Variants in MTMR10 observed in about 807,000 individuals in gnomAD.
MTMR10 encodes myotubularin related protein 10.
MTMR10 carries 56 observed loss-of-function variants against 88.1 expected under a neutral mutation model. The observed-to-expected ratio is 0.64, with a 90% confidence interval of 0.51 to 0.79. The LOEUF (loss-of-function observed/expected upper bound fraction) is 0.79, where lower values mean the gene tolerates loss of function less well. Among genes scored for constraint, MTMR10 ranks in the 30% least tolerant of loss-of-function variants. The probability of loss-of-function intolerance (pLI) is 0.00; values close to 1 mark genes in which losing one functional copy is unlikely to be tolerated. For missense variants in MTMR10, 883 were observed against 924.7 expected (o/e 0.95, Z 0.58); for synonymous variants, 380 against 340.9 (o/e 1.11, Z -1.26).
In MTMR10 at chr15:30,953,698, G is replaced by A. The variant is rs1478484663; in HGVS notation, c.1067-67C>T. On this transcript the variant is annotated intron_variant, in intron 10 of 15. Transcript: ENST00000435680. ...TATACGATCCCTATCAGAGTAAAGA[G>A]ATACATCAGTTTCTAATATTTAAAA... 3.9e-6 allele frequency: 4 copies of A among 1,016,908 alleles called. No individual in the cohort carries two copies. The African/African-American group carries it at 4.9e-5, about 12-fold the overall frequency. 63.0% of individuals were successfully genotyped at this position (1,016,908 alleles called of 1,614,324 possible).
chr15:30,924,292 A>C, the MTMR10 span, among the ~76,000 whole-genome samples: 3 of 152,156 alleles, frequency 2.0e-5, no homozygotes, highest in Non-Finnish European at 4.4e-5. Context: ...GCCATTTTGA[A>C]GAATGCTGCA....
the MTMR10 span, among the ~76,000 whole-genome samples, chr15:30,921,319 C>T: frequency 1.3e-5 from 2 of 152,214 alleles, no homozygotes; most frequent in South Asian, 4.2e-4. Context: ...TTGGCAGGTC[C>T]CCAGAAATCT....
At chr15:30,950,049 T>C (rs1462393439) in intron 12 of MTMR10, 2 of 61,010 alleles carry the variant, frequency 3.3e-5, no homozygotes, top group Non-Finnish European at 7.3e-5. Flanking sequence ...TTCCATAGTA[T>C]GTAAATTTTT....
At chr15:30,976,210 G>A (rs746371526) in intron 3 of MTMR10, among the ~76,000 whole-genome samples, 2 of 151,434 alleles carry the variant, frequency 1.3e-5, no homozygotes, top group Non-Finnish European at 2.9e-5. Flanking sequence ...AGACCAATCC[G>A]GGCATCATAA....
chr15:30,942,910 T>C lies in MTMR10; in HGVS notation c.1711A>G (p.Lys571Glu). The C allele has an allele frequency of 6.4e-7, 1 of 1,567,120 alleles. No homozygotes were observed. The highest frequency in any genetic ancestry group is 1.3e-5 in the African/African-American group (1 of 74,252). ...STPCIQNGSVKSFKRTKKSYS... is the reference protein window; with the variant it reads ...STPCIQNGSVESFKRTKKSYS... ...TTTACCTTTGTCCGTTTAAAAGACTTCACGGAGCCATTCTGTATACAAGGT... is the reference window on the plus strand; with the variant it reads ...TTTACCTTTGTCCGTTTAAAAGACTCCACGGAGCCATTCTGTATACAAGGT... The change falls in exon 15 of 16, where the codon AAG (lysine) becomes GAG (glutamate). Residue 571 changes from lysine to glutamate, a missense_variant. Around this residue, in one of 3 missense-constraint regions of MTMR10, gnomAD observed 343 missense variants for 323.2 expected, o/e 1.06. Transcript: ENST00000435680.
At chr15:30,952,292 T>G (rs7176569) in intron 11 of MTMR10, among the ~76,000 whole-genome samples, 40,389 of 152,230 alleles carry the variant, frequency 0.27, 5,915 homozygotes, top group Non-Finnish European at 0.33. Context: ...TTCTACTGAA[T>G]GCACATAGCT....
At chr15:30,938,865 A>G (rs2062944130), downstream of MTMR10, 6 of 954,252 alleles carry the variant, frequency 6.3e-6, no homozygotes, top group Non-Finnish European at 7.5e-6. Context: ...ACACAGAAGT[A>G]TGGGTAGGAG....
the MTMR10 span, chr15:30,920,746 T>G: frequency 1.4e-5 from 10 of 736,138 alleles, no homozygotes; most frequent in Admixed American, 1.5e-4. Flanking sequence ...ATTTCCTGCT[T>G]ATTTGGTTAG....
At chr15:30,926,815 C>T in the MTMR10 span, 8,212 of 985,338 alleles carry the variant, frequency 8.3e-3, 522 homozygotes, top group African/African-American at 0.13. Flanking sequence ...GAAAAACACA[C>T]GATTCCTTTC....
chr15:30,964,583 A>C lies in MTMR10; in HGVS notation c.565+3337T>G, dbSNP rs2063450428. Reference sequence around the variant, plus strand: ...ATTACAGAATGTGTAATGTATACTCAATCTGGTTTTATAGTCCAGAAATTT... The same window carrying C: ...ATTACAGAATGTGTAATGTATACTCCATCTGGTTTTATAGTCCAGAAATTT... On this transcript the variant is annotated intron_variant, in intron 6 of 15. Transcript: ENST00000435680. Among the ~76,000 whole-genome samples, 3 of 152,228 alleles carry C rather than the reference A, an allele frequency of 2.0e-5. No individual in the cohort carries two copies. The South Asian group carries it at 6.2e-4, about 32-fold the overall frequency.
At chr15:30,974,674 C>T (rs1413259945) in intron 4 of MTMR10, among the ~76,000 whole-genome samples, 1 of 151,946 alleles carries the variant, frequency 6.6e-6, no homozygotes, top group African/African-American at 2.4e-5. Context: ...AAACCACCAT[C>T]TAGACACATT....
At chr15:30,967,882 G>A (rs1396043893) in intron 6 of MTMR10, 38 bp downstream of exon 6, 2 of 1,474,640 alleles carry the variant, frequency 1.4e-6, no homozygotes, top group Non-Finnish European at 1.8e-6. Context: ...ATTTACACAT[G>A]TAAAATTAGT....
chr15:30,923,608 G>A, the MTMR10 span, among the ~76,000 whole-genome samples: 1 of 152,146 alleles, frequency 6.6e-6, no homozygotes, highest in African/African-American at 2.4e-5. Context: ...AAAGTGCTCT[G>A]CAGCCAGCCC....
At chr15:30,968,578 A>ACACACACACACACACACAC (rs1555410069) in intron 5 of MTMR10, among the ~76,000 whole-genome samples, 1 of 91,656 alleles carries the variant, frequency 1.1e-5, no homozygotes, top group African/African-American at 4.8e-5. Context: ...CACACACACA[A>ACACACACACACACACACAC]ACTGTGTTTA....
In MTMR10 at chr15:30,947,292, T is replaced by C; in HGVS notation, c.1386A>G (p.Leu462=). The change falls in exon 14 of 16, where the codon TTA becomes TTG. Residue 462 remains leucine, a synonymous_variant. Coordinates refer to ENST00000435680, the MANE Select transcript of MTMR10 (RefSeq NM_017762.3). ...AGGTGGCATCCAAGAATAGCAAAAATAAAGGAGACTGGCAAATACAAAGAG... is the reference window on the plus strand; with the variant it reads ...AGGTGGCATCCAAGAATAGCAAAAACAAAGGAGACTGGCAAATACAAAGAG... ...HLKRSEKESP[L]FLLFLDATWQ... The C allele has an allele frequency of 2.5e-6, 4 of 1,612,892 alleles. No individual in the cohort carries two copies. Among genetic ancestry groups the C allele is most frequent in the Non-Finnish European group, 3.4e-6 (4 of 1,179,592 alleles).
Position 30,974,387 on chromosome 15 carries a change from A to C in MTMR10, c.401T>G (p.Leu134Ter). The part of the protein sequence containing the change: ...NQKLKFNPTE[L>*]IIYCKDFRIV... ...TCTGAAATCTTTACAATAAATAATT[A>C]ACTCTGTTGGATTAAATTTCAGTTT... Residue 134 changes from leucine (L) to a stop codon, truncating the protein, a stop_gained, in exon 5 of 16, where the codon TTA (leucine) becomes TGA (stop). Coordinates refer to ENST00000435680, the MANE Select transcript of MTMR10 (RefSeq NM_017762.3). LOFTEE classifies it high-confidence loss of function. The C allele has an allele frequency of 6.2e-7, 1 of 1,608,954 alleles. No homozygotes were observed. Among genetic ancestry groups the C allele is most frequent in the Non-Finnish European group, 8.5e-7 (1 of 1,176,770 alleles).
At position 30,940,545 on chromosome 15, in the gene MTMR10, G is replaced by A; in HGVS notation, c.*925C>T. The A allele has an allele frequency of 2.0e-6, 2 of 985,496 alleles. No individual in the cohort carries two copies. Among genetic ancestry groups the A allele is most frequent in the Non-Finnish European group, 2.4e-6 (2 of 830,042 alleles). The allele number at this position is 985,496 out of a possible 1,614,324, so 61.0% of individuals were successfully genotyped here. ...AGTTTACCACACTGGAAATACTGATGGCCAAGCCCAGCACGCCTCCCAGCA... is the reference window on the plus strand; with the variant it reads ...AGTTTACCACACTGGAAATACTGATAGCCAAGCCCAGCACGCCTCCCAGCA... On this transcript the variant is annotated 3_prime_UTR_variant, in exon 16 of 16. Transcript: ENST00000435680.
rs555577937 is a variant in MTMR10, at chr15:30,980,621, T to C, written c.122-3666A>G. ...CCAGCTCTTGCTTTTAAAATACCATTTTCCAATAAAAAGAACTAGGGCTCT... is the reference window on the plus strand; with the variant it reads ...CCAGCTCTTGCTTTTAAAATACCATCTTCCAATAAAAAGAACTAGGGCTCT... On this transcript the variant is annotated intron_variant, in intron 2 of 15. Transcript: ENST00000435680. Among the ~76,000 whole-genome samples the C allele has an allele frequency of 1.8e-3, 272 of 152,262 alleles. 2 individuals are homozygous for C. The highest frequency in any genetic ancestry group is 6.2e-3 in the African/African-American group (257 of 41,542).
the MTMR10 span, chr15:30,928,634 A>G: frequency 6.2e-7 from 1 of 1,613,436 alleles, no homozygotes; most frequent in Non-Finnish European, 8.5e-7. Context: ...GGGATTCCGG[A>G]TGTCTTCAGA....
Sources: gnomAD v4.1 joint callset for allele counts (sites outside exome capture counted in the v4.1 genomes callset) on GRCh38, gnomAD v4.1.1 for gene constraint, gnomAD v4.1.1 regional missense constraint, MANE v1.5 for transcripts, NCBI Gene and HGNC (gene_info 2026-07-23, HGNC 2026-07-21) for gene names.